The following KIF19 variants were observed in gnomAD, a reference collection of about 807,000 sequenced individuals.
KIF19 encodes the protein kinesin family member 19.
Under a neutral mutation model 106.6 loss-of-function variants are expected in KIF19, and 98 were observed. The observed-to-expected ratio is 0.92, with a 90% CI of 0.78 to 1.09. The LOEUF is 1.09. Among genes scored for constraint, KIF19 ranks in the 50% least tolerant of loss-of-function variants. The pLI is 0.00. For missense variants in KIF19, 1,373 were observed against 1,414.3 expected (o/e 0.97, Z 0.47); for synonymous variants, 516 against 584.2 (o/e 0.88, Z 1.68).
At chr17:74,340,758 G>A (rs1185467066) in intron 2 of KIF19, among the ~76,000 whole-genome samples, 2 of 152,250 alleles carry the variant, frequency 1.3e-5, no homozygotes, top group Non-Finnish European at 2.9e-5. Context: ...TGCGAGTGGA[G>A]ATCCCCAAGC....
chr17:74,348,765 G>A (rs2054605611), intron 9 of KIF19: 1 of 207,326 alleles, frequency 4.8e-6, no homozygotes, highest in African/African-American at 2.4e-5. Flanking sequence ...GAGACTGTGA[G>A]TGGGACCCTG....
intron 1 of KIF19, among the ~76,000 whole-genome samples, chr17:74,327,808 T>C (rs1178444965): frequency 2.0e-5 from 3 of 152,358 alleles, no homozygotes; most frequent in East Asian, 1.9e-4. Context: ...CCGTTCATTC[T>C]ATCCCCACAC....
At position 74,342,732 on chromosome 17, in the gene KIF19, C is replaced by A. The variant is rs1227578001; in HGVS notation, c.319+15C>A. Reference sequence around the variant, plus strand: ...TGGCCCCACAGGTAAGGGGAATGCCCAGACTGTGGGCGAGGACCGCAATGC... The same window carrying A: ...TGGCCCCACAGGTAAGGGGAATGCCAAGACTGTGGGCGAGGACCGCAATGC... On this transcript the variant is annotated intron_variant, in intron 4 of 19. Transcript: ENST00000389916. 3.1e-6 allele frequency: 5 copies of A among 1,609,388 alleles called. No homozygotes were observed. The highest frequency in any genetic ancestry group is 3.4e-6 in the Non-Finnish European group (4 of 1,175,992).
At chr17:74,344,479 G>A (rs945293409) in intron 6 of KIF19, 131 bp downstream of exon 6, 2 of 1,395,918 alleles carry the variant, frequency 1.4e-6, no homozygotes, top group African/African-American at 2.9e-5. Context: ...AGAATCCTGA[G>A]TGGCAGCAAG....
intron 2 of KIF19, among the ~76,000 whole-genome samples, chr17:74,335,955 CCACACACTGTGTGGCTT>C (rs2054210340): frequency 6.6e-6 from 1 of 152,196 alleles, no homozygotes; most frequent in African/African-American, 2.4e-5. Flanking sequence ...TAGCAAAGTG[CCACACACTGTGTGGCTT>C]CAACAACAGC....
intron 14 of KIF19, among the ~76,000 whole-genome samples, chr17:74,352,620 A>G (rs1220147667): frequency 6.6e-6 from 1 of 152,148 alleles, no homozygotes; most frequent in Non-Finnish European, 1.5e-5. Context: ...CCCTCCCAGG[A>G]GACCAAGCAT....
chr17:74,346,947 G>T lies in KIF19; in HGVS notation c.924+423G>T, dbSNP rs554834437. Among the ~76,000 whole-genome samples the T allele has an allele frequency of 4.6e-5, 7 of 152,242 alleles. No homozygotes were observed. In the East Asian group the frequency reaches 1.2e-3, roughly 25 times the overall value. ...TTAAATTATAGCAGCATCACTGAGCGCCCACTCCTGGCTGGTCTCTTGAAT... is the reference window on the plus strand; with the variant it reads ...TTAAATTATAGCAGCATCACTGAGCTCCCACTCCTGGCTGGTCTCTTGAAT... On this transcript the variant is annotated intron_variant, in intron 8 of 19. Coordinates refer to ENST00000389916, the MANE Select transcript of KIF19 (RefSeq NM_153209.4). The surrounding 1 kb of genome is among the most constrained non-coding windows in gnomAD (Gnocchi z 4.6).
At position 74,331,339 on chromosome 17, in the gene KIF19, A is replaced by C. The variant is rs1046683648; in HGVS notation, c.120+2834A>C. On this transcript the variant is annotated intron_variant, in intron 2 of 19. Coordinates refer to ENST00000389916, the MANE Select transcript of KIF19 (RefSeq NM_153209.4). The surrounding 1 kb of genome is among the most constrained non-coding windows in gnomAD (Gnocchi z 4.1). ...GTGTATTTGGGAGCTGAGCCAGGACATGTTCGTCCTGAGTGGGGAGAGGTG... is the reference window on the plus strand; with the variant it reads ...GTGTATTTGGGAGCTGAGCCAGGACCTGTTCGTCCTGAGTGGGGAGAGGTG... Among the ~76,000 whole-genome samples, 1 of 151,730 alleles carries C rather than the reference A, an allele frequency of 6.6e-6. No individual in the cohort carries two copies. Among genetic ancestry groups the C allele is most frequent in the African/African-American group, 2.4e-5 (1 of 41,246 alleles).
Position 74,354,315 on chromosome 17 carries a change from CGCGGCCACCAGGCCCACTGGCCTGCAA to C in KIF19, c.2469_2495del (p.Gly825_Pro833del). ...CACTCACTGAGCGAGGGCGACGATG[CGCGGCCACCAGGCCCACTGGCCTGCAA>C]GCGGCCGCCCAGCCCCACACTACAG... On this transcript the variant is annotated inframe_deletion, in exon 18 of 20. Coordinates refer to ENST00000389916, the MANE Select transcript of KIF19 (RefSeq NM_153209.4). 2 of 1,607,940 alleles carry C rather than the reference CGCGGCCACCAGGCCCACTGGCCTGCAA, an allele frequency of 1.2e-6. No homozygotes were observed. Among genetic ancestry groups the C allele is most frequent in the Non-Finnish European group, 1.7e-6 (2 of 1,178,064 alleles).
At chr17:74,352,614 C>T (rs11649974) in intron 14 of KIF19, among the ~76,000 whole-genome samples, 60,844 of 152,058 alleles carry the variant, frequency 0.4, 14,198 homozygotes, top group Non-Finnish European at 0.53. Context: ...CAGCTGCCCT[C>T]CCAGGAGACC....
intron 2 of KIF19, among the ~76,000 whole-genome samples, chr17:74,338,207 G>A (rs539763381): frequency 1.2e-4 from 19 of 152,378 alleles, no homozygotes; most frequent in South Asian, 4.1e-4. Flanking sequence ...CAGGAACACC[G>A]GCATTGGGAT....
chr17:74,353,439 A>G lies in KIF19; in HGVS notation c.2221-55A>G, dbSNP rs1212321420. The G allele has an allele frequency of 3.2e-6, 5 of 1,542,132 alleles. No individual in the cohort carries two copies. In the East Asian group the frequency reaches 6.8e-5, roughly 21 times the overall value. ...CCCCGCTGTCTCTGCTGAGTGGGGC[A>G]TGGGGTCCCTGCTGTGTTTAAGGGT... On this transcript the variant is annotated intron_variant, in intron 16 of 19. Transcript: ENST00000389916.
In KIF19 at chr17:74,331,662, C is replaced by T. The variant is rs112803971; in HGVS notation, c.120+3157C>T. ...TGCAATCTTGGCTCACTGCAACCTC[C>T]GCCTCCTGGATTCAAGCGATTCTCC... On this transcript the variant is annotated intron_variant, in intron 2 of 19. Coordinates refer to ENST00000389916, the MANE Select transcript of KIF19 (RefSeq NM_153209.4). The surrounding 1 kb of genome is among the most constrained non-coding windows in gnomAD (Gnocchi z 4.1). 3.4e-3 allele frequency among the ~76,000 whole-genome samples: 514 copies of T among 151,952 alleles called. 1 individual carries two copies. The highest frequency in any genetic ancestry group is 0.012 in the African/African-American group (493 of 41,436).
chr17:74,351,214 G>GACTC, intron 12 of KIF19: 1 of 385,746 alleles, frequency 2.6e-6, no homozygotes, highest in Non-Finnish European at 4.9e-6. Context: ...TGGGCACAGT[G>GACTC]ACTCACACCT....
At position 74,352,232 on chromosome 17, in the gene KIF19, C is replaced by G; in HGVS notation, c.1872C>G (p.Ala624=). The change falls in exon 14 of 20, where the codon GCC becomes GCG. Residue 624 remains alanine (A), a synonymous_variant. Transcript: ENST00000389916. ...QRQIIDDYNL[A]VPQRLEELYE... is the part of the protein sequence containing the mutation. Reference sequence around the variant, plus strand: ...CTTCCCCAGCAGACTACAACCTGGCCGTCCCGCAGCGCCTGGAAGAGCTCT... The same window carrying G: ...CTTCCCCAGCAGACTACAACCTGGCGGTCCCGCAGCGCCTGGAAGAGCTCT... 6.2e-7 allele frequency: 1 copy of G among 1,612,292 alleles called. No homozygotes were observed. Among genetic ancestry groups the G allele is most frequent in the Non-Finnish European group, 8.5e-7 (1 of 1,179,356 alleles).
intron 2 of KIF19, among the ~76,000 whole-genome samples, chr17:74,338,085 G>A (rs78336490): frequency 6.6e-6 from 1 of 152,234 alleles, no homozygotes; most frequent in African/African-American, 2.4e-5. Flanking sequence ...TCTGGAGGTT[G>A]TATGAAGGTC....
Position 74,344,266 on chromosome 17 carries a change from G to C in KIF19, c.500G>C (p.Gly167Ala). Residue 167 changes from glycine to alanine, a missense_variant, in exon 6 of 20, where the codon GGC becomes GCC. By Grantham distance (60) the Gly-to-Ala change is moderately conservative. Transcript: ENST00000389916. ...MIRDLLNPSL[G>A]YLELREDSKG... ...CGGGACCTGCTGAACCCCTCCCTGG[G>C]CTACCTGGAGCTGCGGGAGGACTCT... 6.2e-7 allele frequency: 1 copy of C among 1,612,994 alleles called. No individual in the cohort carries two copies. Among genetic ancestry groups the C allele is most frequent in the South Asian group, 1.1e-5 (1 of 91,064 alleles).
At position 74,354,344 on chromosome 17, in the gene KIF19, C is replaced by T. The variant is rs1567925212; in HGVS notation, c.2491C>T (p.Arg831Trp). The change falls in exon 18 of 20, where the codon CGG (arginine) becomes TGG (tryptophan). Residue 831 changes from arginine to tryptophan, a missense_variant. Physicochemically the swap from Arg to Trp is moderately radical, Grantham distance 101 (BLOSUM62 -3). This residue lies in a region of KIF19 where 1,020 missense variants were observed against 1,008.2 expected (regional missense o/e 1.01). Transcript: ENST00000389916. ...GCCACCAGGCCCACTGGCCTGCAAG[C>T]GGCCGCCCAGCCCCACACTACAGCA... The part of the protein sequence containing the change: ...ARPPGPLACK[R>W]PPSPTLQHAA... 8.1e-6 allele frequency: 13 copies of T among 1,605,464 alleles called. No homozygotes were observed. Among genetic ancestry groups the T allele is most frequent in the Non-Finnish European group, 1.1e-5 (13 of 1,176,578 alleles).
Position 74,344,312 on chromosome 17 carries a change from C to T in KIF19, c.546C>T (p.Ala182=), listed in dbSNP as rs138557249. Residue 182 remains alanine (A), a synonymous_variant, in exon 6 of 20, where the codon GCC becomes GCT. Transcript: ENST00000389916. ...REDSKGVIQV[A]GITEVSTINA... Reference sequence around the variant, plus strand: ...ACTCTAAGGGGGTGATCCAGGTGGCCGGCATCACCGAAGTCTCCACCATCA... The same window carrying T: ...ACTCTAAGGGGGTGATCCAGGTGGCTGGCATCACCGAAGTCTCCACCATCA... The T allele has an allele frequency of 7.9e-5, 127 of 1,612,786 alleles. No individual in the cohort carries two copies. In the East Asian group the frequency reaches 1.3e-3, roughly 16 times the overall value.
Sources: gnomAD v4.1 joint callset for allele counts (sites outside exome capture counted in the v4.1 genomes callset) on GRCh38, gnomAD v4.1.1 for gene constraint, gnomAD v4.1.1 regional missense constraint, Gnocchi (gnomAD v3.1) non-coding constraint, MANE v1.5 for transcripts, NCBI Gene and HGNC (gene_info 2026-07-23, HGNC 2026-07-21) for gene names.